The following SYT12 variants were observed in gnomAD, a reference collection of about 807,000 sequenced individuals.
SYT12 encodes the protein synaptotagmin-12.
In SYT12, 27 loss-of-function variants were observed where a neutral mutation model predicts 39.5. The observed-to-expected ratio is 0.68, with a 90% confidence interval of 0.50 to 0.94. The LOEUF (loss-of-function observed/expected upper bound fraction) is 0.94. Ranked by LOEUF, SYT12 falls within the 40% of genes least tolerant of loss-of-function variation. SYT12 has a pLI of 0.00. For missense variants in SYT12, 536 were observed against 572.6 expected (o/e 0.94, Z 0.65); for synonymous variants, 233 against 239.7 (o/e 0.97, Z 0.26).
intron 3 of SYT12, among the ~76,000 whole-genome samples, chr11:67,035,613 A>T (rs536018836): frequency 6.7e-6 from 1 of 149,798 alleles, no homozygotes. Context: ...ACCCGCCACC[A>T]TGCCCAGCTA....
chr11:67,022,627 G>C (rs1420680087), upstream of SYT12: 5 of 152,266 alleles, frequency 3.3e-5, no homozygotes, highest in Admixed American at 3.3e-4. Flanking sequence ...GTGGTTAAAG[G>C]TATGGAGTTT....
chr11:67,049,908 G>A lies in SYT12; in HGVS notation c.*1151G>A, dbSNP rs1854699077. 2 of 152,224 alleles carry A rather than the reference G, an allele frequency of 1.3e-5. No individual in the cohort carries two copies. Among genetic ancestry groups the A allele is most frequent in the South Asian group, 2.1e-4 (1 of 4,826 alleles). 9.4% of individuals were successfully genotyped at this position (152,224 alleles called of 1,614,324 possible). ...CACGGGGTGGGTGCCCCCGACACCG[G>A]GTCTCCTAGCTTGAGTTCCCTAGAA... On this transcript the variant is annotated 3_prime_UTR_variant, in exon 8 of 8. Transcript: ENST00000527043.
intron 7 of SYT12, 93 bp downstream of exon 7, chr11:67,045,970 G>C: frequency 6.5e-7 from 1 of 1,532,618 alleles, no homozygotes; most frequent in Non-Finnish European, 8.9e-7. Flanking sequence ...GGCCCCTGCA[G>C]GGGTAGTGGT....
At chr11:67,034,420 G>T (rs1950321565) in intron 2 of SYT12, among the ~76,000 whole-genome samples, 2 of 152,206 alleles carry the variant, frequency 1.3e-5, no homozygotes, top group Admixed American at 1.3e-4. Flanking sequence ...CAGACTATAA[G>T]TGTAATGTAA....
intron 1 of SYT12, among the ~76,000 whole-genome samples, chr11:67,009,491 C>T (rs1949996302): frequency 6.6e-6 from 1 of 152,122 alleles, no homozygotes; most frequent in Non-Finnish European, 1.5e-5. Flanking sequence ...TGGGTTTCAC[C>T]ATGTTGGCCA....
At chr11:67,037,937 C>T (rs946501940) in intron 3 of SYT12, among the ~76,000 whole-genome samples, 4 of 148,416 alleles carry the variant, frequency 2.7e-5, no homozygotes, top group Non-Finnish European at 1.5e-5. Flanking sequence ...CACCTGTGGT[C>T]CTGGACACTT....
intron 7 of SYT12, among the ~76,000 whole-genome samples, chr11:67,048,268 CAAAAA>C (rs562190914): frequency 1.2e-5 from 1 of 82,866 alleles, no homozygotes. Flanking sequence ...GAGACTGTCT[CAAAAA>C]AAAAAAAAAA....
chr11:67,047,777 CTTTTTTTTTTTT>C lies in SYT12; in HGVS notation c.1093-790_1093-779del, dbSNP rs1173796349. Among the ~76,000 whole-genome samples, 9 of 76,058 alleles carry C rather than the reference CTTTTTTTTTTTT, an allele frequency of 1.2e-4. No individual in the cohort carries two copies. In the East Asian group the frequency reaches 3.2e-3, roughly 27 times the overall value. The allele number at this position is 76,058 out of a possible 152,430, so 49.9% of individuals were successfully genotyped here. ...GGCCAACATGATGAAACCCCCATCTCTTTTTTTTTTTTTTTTTTTTTTTTTTTTGAGACGGAG... is the reference window on the plus strand; with the variant it reads ...GGCCAACATGATGAAACCCCCATCTCTTTTTTTTTTTTTTTTGAGACGGAG... On this transcript the variant is annotated intron_variant, in intron 7 of 7. Transcript: ENST00000527043.
At chr11:67,037,774 C>T (rs1950410621) in intron 3 of SYT12, among the ~76,000 whole-genome samples, 1 of 151,064 alleles carries the variant, frequency 6.6e-6, no homozygotes, top group Non-Finnish European at 1.5e-5. Flanking sequence ...CCCAGCTACT[C>T]AGAAGGCTGA....
Position 67,039,881 on chromosome 11 carries a change from T to C in SYT12, c.299T>C (p.Ile100Thr). The change falls in exon 4 of 8, where the codon ATT becomes ACT. Residue 100 changes from isoleucine (I) to threonine (T), a missense_variant. Ile to Thr is a moderately conservative substitution (Grantham distance 89, BLOSUM62 -1). Coordinates refer to ENST00000527043, the MANE Select transcript of SYT12 (RefSeq NM_177963.4). ...GPPSRKGSLS[I>T]EDTFESISEL... ...CCCAGCCGCAAAGGCAGTCTCAGCA[T>C]TGAGGACACCTTTGAGAGCATCAGT... The C allele has an allele frequency of 6.2e-7, 1 of 1,613,662 alleles. No homozygotes were observed. Among genetic ancestry groups the C allele is most frequent in the Middle Eastern group, 1.6e-4 (1 of 6,062 alleles).
intron 2 of SYT12, chr11:67,032,223 C>T (rs1249198180): frequency 1.3e-5 from 2 of 152,232 alleles, no homozygotes; most frequent in Non-Finnish European, 2.9e-5. Flanking sequence ...GCCACAGTGC[C>T]ATCCTAATGA....
In SYT12 at chr11:67,043,961, C is replaced by G. The variant is rs1257128432; in HGVS notation, c.837+108C>G. ...TCCTCTGCAATAGCCTGAGCCCCATCATCATTAGGAGAGCAGAGAAGAAGA... is the reference window on the plus strand; with the variant it reads ...TCCTCTGCAATAGCCTGAGCCCCATGATCATTAGGAGAGCAGAGAAGAAGA... On this transcript the variant is annotated intron_variant, in intron 5 of 7. Transcript: ENST00000527043. 6 of 1,070,808 alleles carry G rather than the reference C, an allele frequency of 5.6e-6. No individual in the cohort carries two copies. The Admixed American group carries it at 6.3e-5, about 11-fold the overall frequency. 66.3% of individuals were successfully genotyped at this position (1,070,808 alleles called of 1,614,324 possible). A position where few individuals can be genotyped will look rare whatever the true frequency, so the allele number is the denominator to read the frequency against.
chr11:67,019,459 C>A (rs1311862860), upstream of SYT12, among the ~76,000 whole-genome samples: 1 of 147,914 alleles, frequency 6.8e-6, no homozygotes, highest in South Asian at 2.1e-4. Context: ...GCAACAAGAG[C>A]GAAACTCCAC....
chr11:67,035,768 T>TC (rs1950351572), intron 3 of SYT12, among the ~76,000 whole-genome samples: 1 of 148,426 alleles, frequency 6.7e-6, no homozygotes, highest in African/African-American at 2.6e-5. Flanking sequence ...TTCCTTTCTT[T>TC]CTTTTCTTTT....
chr11:67,034,590 G>T, intron 2 of SYT12, 55 bp from the exon 3 acceptor site: 1 of 1,507,428 alleles, frequency 6.6e-7, no homozygotes, highest in Non-Finnish European at 8.9e-7. Flanking sequence ...TGCTCCCCGG[G>T]TGGGGGTCTG....
intron 3 of SYT12, among the ~76,000 whole-genome samples, chr11:67,014,170 C>A (rs190806690): frequency 6.6e-6 from 1 of 152,242 alleles, no homozygotes; most frequent in Admixed American, 6.5e-5. Flanking sequence ...ACCCTATTTT[C>A]AAAAAAGATG....
chr11:67,025,990 C>G (rs1950175610), intron 1 of SYT12, among the ~76,000 whole-genome samples: 1 of 152,078 alleles, frequency 6.6e-6, no homozygotes, highest in South Asian at 2.1e-4. Flanking sequence ...TCTCCCACAG[C>G]TTTGCTGGGC....
chr11:67,043,865 G>T lies in SYT12; in HGVS notation c.837+12G>T. On this transcript the variant is annotated intron_variant, in intron 5 of 7. Transcript: ENST00000527043. ...AGGACCAGAACAAGGTAAGTGACTT[G>T]CCTGCTCGTCCACCTCGGAAGAGCG... The T allele has an allele frequency of 3.7e-6, 6 of 1,613,096 alleles. No homozygotes were observed. Among genetic ancestry groups the T allele is most frequent in the Non-Finnish European group, 5.1e-6 (6 of 1,179,386 alleles).
intron 3 of SYT12, among the ~76,000 whole-genome samples, chr11:67,035,822 C>CT (rs1950361704): frequency 1.1e-5 from 1 of 87,196 alleles, no homozygotes; most frequent in African/African-American, 5.7e-5. Context: ...TCCTTCCTTC[C>CT]TTCCTTCCTT....
Sources: gnomAD v4.1 joint callset for allele counts (sites outside exome capture counted in the v4.1 genomes callset) on GRCh38, gnomAD v4.1.1 for gene constraint, MANE v1.5 for transcripts, NCBI Gene and HGNC (gene_info 2026-07-23, HGNC 2026-07-21) for gene names.